The following RFX7 variants were observed in gnomAD, a reference collection of about 807,000 sequenced individuals.
RFX7 encodes DNA-binding protein RFX7.
In RFX7, 26 loss-of-function variants were observed where a neutral mutation model predicts 111.8. The observed-to-expected ratio is 0.23, with a 90% confidence interval of 0.17 to 0.32. RFX7 has a LOEUF of 0.32. RFX7 is among the 10% of genes least tolerant of loss of function. The probability of loss-of-function intolerance (pLI) is 1.00; values close to 1 mark genes in which losing one functional copy is unlikely to be tolerated. For missense variants in RFX7, 1,573 were observed against 1,772.9 expected (o/e 0.89, Z 2.02); for synonymous variants, 624 against 624.4 (o/e 1.00, Z 0.01).
intron 5 of RFX7, among the ~76,000 whole-genome samples, chr15:56,133,645 A>G (rs2042247974): frequency 6.6e-6 from 1 of 151,652 alleles, no homozygotes; most frequent in South Asian, 2.1e-4. Context: ...GTGATTTAAA[A>G]CTCTTGTTCT....
chr15:56,163,105 T>C (rs764174978), intron 3 of RFX7, among the ~76,000 whole-genome samples: 4 of 152,140 alleles, frequency 2.6e-5, no homozygotes, highest in African/African-American at 4.8e-5. Flanking sequence ...TCTGTGTCGG[T>C]GAGTTGACCT....
At chr15:56,176,212 C>T (rs753087054) in intron 3 of RFX7, among the ~76,000 whole-genome samples, 4 of 152,044 alleles carry the variant, frequency 2.6e-5, no homozygotes, top group South Asian at 2.1e-4. Flanking sequence ...TTTCAACATA[C>T]GTGAAATGGG....
intron 2 of RFX7, among the ~76,000 whole-genome samples, chr15:56,188,961 T>C (rs557687867): frequency 2.3e-4 from 35 of 152,296 alleles, no homozygotes; most frequent in African/African-American, 7.2e-4. Flanking sequence ...GCCTCCCCAG[T>C]AGCTACGCCA....
chr15:56,197,784 TATTAAAACAG>T (rs1226859396), intron 2 of RFX7, among the ~76,000 whole-genome samples: 1 of 151,964 alleles, frequency 6.6e-6, no homozygotes, highest in African/African-American at 2.4e-5. Flanking sequence ...AGTCAAAGGG[TATTAAAACAG>T]ATTCAAGGGG....
intron 5 of RFX7, among the ~76,000 whole-genome samples, chr15:56,109,392 G>C (rs560707887): frequency 3.3e-5 from 5 of 152,230 alleles, no homozygotes; most frequent in African/African-American, 1.2e-4. Context: ...ATCTCGGCTC[G>C]CTACAACATC....
At chr15:56,133,119 T>G (rs903774646) in intron 5 of RFX7, among the ~76,000 whole-genome samples, 27 of 152,124 alleles carry the variant, frequency 1.8e-4, no homozygotes, top group Non-Finnish European at 2.9e-4. Context: ...TGAATATACA[T>G]TTTATAATTA....
At chr15:56,133,807 A>C (rs956694420) in intron 5 of RFX7, among the ~76,000 whole-genome samples, 3 of 152,122 alleles carry the variant, frequency 2.0e-5, no homozygotes, top group Non-Finnish European at 4.4e-5. Flanking sequence ...CAAATGGCAA[A>C]TTATGGTTTT....
Position 56,093,029 on chromosome 15 carries a change from T to A in RFX7, c.*316A>T. On this transcript the variant is annotated 3_prime_UTR_variant, in exon 10 of 10. Transcript: ENST00000559447. ...TATTCTGAGTTCTGTGCAGATCATCTGATGAAATGAAACTAACTTACACAA... is the reference window on the plus strand; with the variant it reads ...TATTCTGAGTTCTGTGCAGATCATCAGATGAAATGAAACTAACTTACACAA... 4.0e-6 allele frequency: 1 copy of A among 252,452 alleles called. No homozygotes were observed. Among genetic ancestry groups the A allele is most frequent in the Non-Finnish European group, 7.6e-6 (1 of 131,018 alleles). 15.6% of individuals were successfully genotyped at this position (252,452 alleles called of 1,614,324 possible). A position where few individuals can be genotyped will look rare whatever the true frequency, so the allele number is the denominator to read the frequency against.
chr15:56,234,213 T>C (rs559660650), intron 2 of RFX7, among the ~76,000 whole-genome samples: 3 of 152,358 alleles, frequency 2.0e-5, no homozygotes, highest in South Asian at 2.1e-4. Flanking sequence ...AAACTTACTT[T>C]TGATAAACTC....
Position 56,093,118 on chromosome 15 carries a change from T to G in RFX7, c.*227A>C. 2.2e-6 allele frequency: 1 copy of G among 457,834 alleles called. No homozygotes were observed. Among genetic ancestry groups the G allele is most frequent in the Non-Finnish European group, 3.9e-6 (1 of 259,298 alleles). The allele number at this position is 457,834 out of a possible 1,614,324, so 28.4% of individuals were successfully genotyped here. On this transcript the variant is annotated 3_prime_UTR_variant, in exon 10 of 10. Coordinates refer to ENST00000559447, the MANE Select transcript of RFX7 (RefSeq NM_022841.7). ...ATCAATGTGAATAAATGGGGCACAT[T>G]ATAAAATTTAAAACCTAATACTTGT... is the stretch of plus-strand genomic sequence containing the variant.
intron 3 of RFX7, among the ~76,000 whole-genome samples, chr15:56,157,245 A>T (rs2042664148): frequency 6.6e-6 from 1 of 152,136 alleles, no homozygotes; most frequent in Non-Finnish European, 1.5e-5. Context: ...TTTCATTCAT[A>T]ATCTGAGCTT....
intron 5 of RFX7, among the ~76,000 whole-genome samples, chr15:56,109,682 G>T (rs1278838535): frequency 6.6e-6 from 1 of 151,506 alleles, no homozygotes; most frequent in Non-Finnish European, 1.5e-5. Context: ...GATGCGGGGA[G>T]CGCCTCTGCC....
chr15:56,240,959 C>T (rs551698277), intron 2 of RFX7, among the ~76,000 whole-genome samples: 68 of 151,866 alleles, frequency 4.5e-4, no homozygotes, highest in Admixed American at 9.2e-4. Flanking sequence ...AATATAAATC[C>T]ATTCTTGTGG....
At chr15:56,216,278 TTTTC>T (rs2043362176) in intron 2 of RFX7, among the ~76,000 whole-genome samples, 1 of 152,212 alleles carries the variant, frequency 6.6e-6, no homozygotes, top group South Asian at 2.1e-4. Flanking sequence ...TGATTTGGTA[TTTTC>T]TTTGTGGGCA....
intron 2 of RFX7, among the ~76,000 whole-genome samples, chr15:56,212,938 A>G (rs533200597): frequency 6.6e-6 from 1 of 152,334 alleles, no homozygotes; most frequent in East Asian, 1.9e-4. Flanking sequence ...ATTAGCCATT[A>G]GGGAAATACA....
chr15:56,152,657 G>A (rs1465748301), intron 3 of RFX7, among the ~76,000 whole-genome samples: 5 of 149,706 alleles, frequency 3.3e-5, no homozygotes, highest in African/African-American at 1.2e-4. Flanking sequence ...AGAAGCAAGG[G>A]AAAACAAATT....
intron 3 of RFX7, among the ~76,000 whole-genome samples, chr15:56,163,729 T>C (rs1183990592): frequency 3.3e-5 from 5 of 152,210 alleles, no homozygotes; most frequent in African/African-American, 7.2e-5. Context: ...AAAACAGTTA[T>C]CATTATTCTT....
chr15:56,137,438 A>G (rs1205800867), intron 5 of RFX7, among the ~76,000 whole-genome samples: 2 of 152,072 alleles, frequency 1.3e-5, no homozygotes, highest in Admixed American at 6.5e-5. Flanking sequence ...GTTAGTTTGC[A>G]TTTCTGTGGG....
At chr15:56,180,160 C>T (rs992305787) in intron 2 of RFX7, among the ~76,000 whole-genome samples, 1 of 152,018 alleles carries the variant, frequency 6.6e-6, no homozygotes, top group African/African-American at 2.4e-5. Flanking sequence ...TATATGTAAA[C>T]CAAAATTGGT....
Sources: gnomAD v4.1 joint callset for allele counts (sites outside exome capture counted in the v4.1 genomes callset) on GRCh38, gnomAD v4.1.1 for gene constraint, MANE v1.5 for transcripts, NCBI Gene and HGNC (gene_info 2026-07-23, HGNC 2026-07-21) for gene names.